Variants in MDM4 observed in about 807,000 individuals in gnomAD.
MDM4 encodes MDM4 regulator of p53.
In MDM4, 2 loss-of-function variants were observed where a neutral mutation model predicts 60.2. The ratio of observed to expected loss-of-function variants is 0.03; its 90% confidence interval spans 0.01 to 0.10. MDM4 has a LOEUF of 0.10. Among genes scored for constraint, MDM4 ranks in the 10% least tolerant of loss-of-function variants. The pLI is 1.00. For missense variants in MDM4, 447 were observed against 577.5 expected, an observed-to-expected ratio of 0.77 and a Z score of 2.32; for synonymous variants, 202 against 198.1, an observed-to-expected ratio of 1.02 and a Z score of -0.17.
Position 204,535,192 on chromosome 1 carries a change from C to T in MDM4, c.344-2238C>T, listed in dbSNP as rs530977894. 7.7e-5 allele frequency among the ~76,000 whole-genome samples: 11 copies of T among 142,782 alleles called. No homozygotes were observed. In the South Asian group the frequency reaches 1.1e-3, roughly 14 times the overall value. The allele number at this position is 142,782 out of a possible 152,430, so 93.7% of individuals were successfully genotyped here. On this transcript the variant is annotated intron_variant, in intron 5 of 10. Transcript: ENST00000367182. The stretch of plus-strand genomic sequence containing the variant: ...TTTTTTTTTGAGATGGAGTCTCGCT[C>T]TGTCGCCTAGGCTGGAGTGCAGTGG...
At chr1:204,533,484 G>A (rs1024287908) in intron 5 of MDM4, among the ~76,000 whole-genome samples, 14 of 152,142 alleles carry the variant, frequency 9.2e-5, no homozygotes, top group African/African-American at 3.4e-4. Context: ...AGCCTCCCGA[G>A]TAGCTGGGAT....
chr1:204,529,486 C>A, intron 3 of MDM4: 1 of 1,528,056 alleles, frequency 6.5e-7, no homozygotes, highest in Non-Finnish European at 8.9e-7. Flanking sequence ...GGGAACATCC[C>A]AGGATTGAGG....
At position 204,536,542 on chromosome 1, in the gene MDM4, A is replaced by G. The variant is rs189906595; in HGVS notation, c.344-888A>G. On this transcript the variant is annotated intron_variant, in intron 5 of 10. Transcript: ENST00000367182. ...TCTCTGAACCTGGTAGTGGTTGGTGAACCTGACCCACAGTAGACTTATTTT... is the reference window on the plus strand; with the variant it reads ...TCTCTGAACCTGGTAGTGGTTGGTGGACCTGACCCACAGTAGACTTATTTT... Among the ~76,000 whole-genome samples the G allele has an allele frequency of 2.6e-3, 397 of 152,292 alleles. 2 individuals carry two copies. The highest frequency in any genetic ancestry group is 4.2e-3 in the Non-Finnish European group (289 of 68,030).
Position 204,537,959 on chromosome 1 carries a change from T to A in MDM4, c.412-250T>A, listed in dbSNP as rs751074527. On this transcript the variant is annotated intron_variant, in intron 6 of 10. Coordinates refer to ENST00000367182, the MANE Select transcript of MDM4 (RefSeq NM_002393.5). ...CTGGAGGGTTTATACAGATAGCCTG[T>A]TTTTAACAGTAGATTTTGGCCTTTG... The A allele has an allele frequency of 1.4e-5, 10 of 728,784 alleles. No individual in the cohort carries two copies. In the East Asian group the frequency reaches 2.4e-4, roughly 18 times the overall value. 45.1% of individuals were successfully genotyped at this position (728,784 alleles called of 1,614,324 possible). A position where few individuals can be genotyped will look rare whatever the true frequency, so the allele number is the denominator to read the frequency against.
intron 2 of MDM4, among the ~76,000 whole-genome samples, chr1:204,525,997 A>G (rs1013823912): frequency 5.9e-5 from 9 of 152,032 alleles, no homozygotes; most frequent in African/African-American, 1.4e-4. Context: ...GGTCATGCCT[A>G]TAATCCCAGC....
chr1:204,554,537 A>G lies in MDM4; in HGVS notation c.*4855A>G, dbSNP rs1428943219. 8.9e-6 allele frequency: 2 copies of G among 225,508 alleles called. No individual in the cohort carries two copies. The highest frequency in any genetic ancestry group is 1.8e-5 in the Non-Finnish European group (2 of 113,102). 14.0% of individuals were successfully genotyped at this position (225,508 alleles called of 1,614,324 possible). ...ACCAAACGTGAAATTTACAGTGTTT[A>G]CAAATGTCTGGAATTTTGCACTGCC... On this transcript the variant is annotated 3_prime_UTR_variant, in exon 11 of 11. Transcript: ENST00000367182.
rs1378949842 is a variant in MDM4, at chr1:204,552,930, C to T, written c.*3248C>T. 1.3e-5 allele frequency: 2 copies of T among 158,554 alleles called. No homozygotes were observed. Among genetic ancestry groups the T allele is most frequent in the East Asian group, 1.3e-4 (1 of 7,938 alleles). 9.8% of individuals were successfully genotyped at this position (158,554 alleles called of 1,614,324 possible). On this transcript the variant is annotated 3_prime_UTR_variant, in exon 11 of 11. Transcript: ENST00000367182. ...TGCTCTTGTCGCCCAGGCTGGAGTG[C>T]AGTGGAGTGATCTCGGCTCACTGCA...
At chr1:204,535,432 C>T (rs955780981) in intron 5 of MDM4, among the ~76,000 whole-genome samples, 4 of 152,186 alleles carry the variant, frequency 2.6e-5, no homozygotes, top group African/African-American at 9.7e-5. Flanking sequence ...ACTGGGATTA[C>T]AGGCGTGAGC....
At chr1:204,537,799 A>G (rs1661568029) in intron 6 of MDM4, 1 of 608,106 alleles carries the variant, frequency 1.6e-6, no homozygotes, top group East Asian at 3.0e-5. Flanking sequence ...ATTAGATTTT[A>G]ATAGGCGTGT....
chr1:204,532,687 C>G (rs548741486), intron 5 of MDM4: 2 of 1,450,222 alleles, frequency 1.4e-6, no homozygotes, highest in African/African-American at 2.8e-5. Context: ...CACACATTGC[C>G]TTTGGTTGAT....
At position 204,554,960 on chromosome 1, in the gene MDM4, G is replaced by A; in HGVS notation, c.*5278G>A. The A allele has an allele frequency of 4.5e-6, 1 of 221,314 alleles. No homozygotes were observed. The highest frequency in any genetic ancestry group is 9.0e-6 in the Non-Finnish European group (1 of 110,608). The allele number at this position is 221,314 out of a possible 1,614,324, so 13.7% of individuals were successfully genotyped here. A position where few individuals can be genotyped will look rare whatever the true frequency, so the allele number is the denominator to read the frequency against. ...CAGTAAATCTACACTTGGATTTGCTGCACCTCTACCAATAGCCTTTTGAAT... is the reference window on the plus strand; with the variant it reads ...CAGTAAATCTACACTTGGATTTGCTACACCTCTACCAATAGCCTTTTGAAT... On this transcript the variant is annotated 3_prime_UTR_variant, in exon 11 of 11. Transcript: ENST00000367182.
intron 2 of MDM4, 105 bp from the exon 3 acceptor site, chr1:204,526,255 C>A: frequency 1.0e-6 from 1 of 993,470 alleles, no homozygotes; most frequent in Non-Finnish European, 1.5e-6. Context: ...GACCTTGCCT[C>A]AAAAAACAAA....
rs140091735 is a variant in MDM4, at chr1:204,549,314, C to T, written c.1105C>T (p.Pro369Ser). 3.1e-6 allele frequency: 5 copies of T among 1,614,154 alleles called. No homozygotes were observed. In the South Asian group the frequency reaches 5.5e-5, roughly 18 times the overall value. Residue 369 changes from proline (P) to serine (S), a missense_variant, in exon 11 of 11, where the codon CCT (proline) becomes TCT (serine). Around this residue, in one of 8 missense-constraint regions of MDM4, gnomAD observed 117 missense variants for 114.5 expected, o/e 1.02. Coordinates refer to ENST00000367182, the MANE Select transcript of MDM4 (RefSeq NM_002393.5). The part of the protein sequence containing the change: ...VPDCRRTISA[P>S]VVRPKDAYIK... ...TGATTGTCGAAGAACCATTTCGGCT[C>T]CTGTCGTTAGACCTAAAGATGCGTA...
intron 1 of MDM4, among the ~76,000 whole-genome samples, chr1:204,519,034 G>C (rs527466139): frequency 3.9e-5 from 6 of 152,224 alleles, no homozygotes; most frequent in African/African-American, 1.4e-4. Context: ...AATCAGTTTT[G>C]TACAAAACTC....
At chr1:204,525,099 A>G (rs550107750) in intron 1 of MDM4, among the ~76,000 whole-genome samples, 3 of 152,354 alleles carry the variant, frequency 2.0e-5, no homozygotes, top group East Asian at 1.9e-4. Context: ...TTGGAATCTT[A>G]AAACCTGTGA....
In MDM4 at chr1:204,549,320, G is replaced by A. The variant is rs966981669; in HGVS notation, c.1111G>A (p.Val371Ile). 10 of 1,614,038 alleles carry A rather than the reference G, an allele frequency of 6.2e-6. No individual in the cohort carries two copies. Among genetic ancestry groups the A allele is most frequent in the Non-Finnish European group, 8.5e-6 (10 of 1,180,032 alleles). ...TCGAAGAACCATTTCGGCTCCTGTCGTTAGACCTAAAGATGCGTATATAAA... is the reference window on the plus strand; with the variant it reads ...TCGAAGAACCATTTCGGCTCCTGTCATTAGACCTAAAGATGCGTATATAAA... ...DCRRTISAPV[V>I]RPKDAYIKKE... Residue 371 changes from valine (V) to isoleucine (I), a missense_variant, in exon 11 of 11, where the codon GTT becomes ATT. Around this residue, in one of 8 missense-constraint regions of MDM4, gnomAD observed 117 missense variants for 114.5 expected, o/e 1.02. Transcript: ENST00000367182.
At position 204,557,086 on chromosome 1, in the gene MDM4, A is replaced by C. The variant is rs1663582608; in HGVS notation, c.*7404A>C. On this transcript the variant is annotated 3_prime_UTR_variant, in exon 11 of 11. Transcript: ENST00000367182. Reference sequence around the variant, plus strand: ...TTGTAGGGATTAAATCCGGGAGAGCAATTCTGAAGCCTATAAATTTCCTTG... The same window carrying C: ...TTGTAGGGATTAAATCCGGGAGAGCCATTCTGAAGCCTATAAATTTCCTTG... 1 of 198,766 alleles carries C rather than the reference A, an allele frequency of 5.0e-6. No individual in the cohort carries two copies. The highest frequency in any genetic ancestry group is 2.3e-5 in the African/African-American group (1 of 43,368). The allele number at this position is 198,766 out of a possible 1,614,324, so 12.3% of individuals were successfully genotyped here. A position where few individuals can be genotyped will look rare whatever the true frequency, so the allele number is the denominator to read the frequency against.
intron 5 of MDM4, among the ~76,000 whole-genome samples, chr1:204,534,212 C>CT (rs1267644667): frequency 6.6e-6 from 1 of 152,228 alleles, no homozygotes; most frequent in African/African-American, 2.4e-5. Flanking sequence ...CATATGCCCA[C>CT]TTCACATAGC....
intron 1 of MDM4, among the ~76,000 whole-genome samples, chr1:204,521,306 C>A (rs1481670840): frequency 2.6e-5 from 4 of 152,106 alleles, no homozygotes; most frequent in Non-Finnish European, 4.4e-5. Context: ...GGATGATAGG[C>A]TGAGTTGGAT....
Sources: gnomAD v4.1 joint callset for allele counts (sites outside exome capture counted in the v4.1 genomes callset) on GRCh38, gnomAD v4.1.1 for gene constraint, gnomAD v4.1.1 regional missense constraint, MANE v1.5 for transcripts, NCBI Gene and HGNC (gene_info 2026-07-23, HGNC 2026-07-21) for gene names.